Variants in RBFOX1 observed in about 807,000 individuals in gnomAD.
The protein encoded by RBFOX1 is RNA binding fox-1 homolog 1, also known as RNA binding protein fox-1 homolog 1.
Under a neutral mutation model 57.7 loss-of-function variants are expected in RBFOX1, and 8 were observed. That is an observed-to-expected ratio of 0.14 (90% confidence interval 0.08 to 0.25). The LOEUF is 0.25. RBFOX1 is among the 10% of genes least tolerant of loss of function. The pLI is 1.00. For missense variants in RBFOX1, 611 were observed against 548.5 expected (o/e 1.11, Z -1.14); for synonymous variants, 326 against 222.4 (o/e 1.47, Z -4.15).
intron 3 of RBFOX1, among the ~76,000 whole-genome samples, chr16:6,929,664 G>C (rs989107543): frequency 6.6e-6 from 1 of 152,074 alleles, no homozygotes; most frequent in African/African-American, 2.4e-5. Context: ...GTTATATCCA[G>C]CTTGCATAAC....
chr16:6,942,235 C>G (rs978502952), intron 3 of RBFOX1, among the ~76,000 whole-genome samples: 1 of 152,078 alleles, frequency 6.6e-6, no homozygotes, highest in African/African-American at 2.4e-5. Flanking sequence ...AACCAGGATC[C>G]CACCACTGCA....
intron 4 of RBFOX1, among the ~76,000 whole-genome samples, chr16:7,361,932 GTGTA>G (rs1471862534): frequency 1.3e-5 from 2 of 151,750 alleles, no homozygotes; most frequent in Admixed American, 6.6e-5. Flanking sequence ...GTGTGTTAGT[GTGTA>G]TGTGTGTGCA....
chr16:7,498,448 G>GT (rs35340425), intron 4 of RBFOX1, among the ~76,000 whole-genome samples: 85,905 of 150,766 alleles, frequency 0.57, 26,142 homozygotes, highest in Middle Eastern at 0.72. Flanking sequence ...TATGTAGTGG[G>GT]TTTTTTTTTA....
intron 1 of RBFOX1, among the ~76,000 whole-genome samples, chr16:6,178,327 C>G (rs1385177368): frequency 1.3e-5 from 2 of 151,776 alleles, no homozygotes; most frequent in Non-Finnish European, 1.5e-5. Flanking sequence ...GCTGGGATTA[C>G]AGGCACGCGC....
At chr16:7,227,479 G>T (rs2093212751) in intron 4 of RBFOX1, among the ~76,000 whole-genome samples, 1 of 152,110 alleles carries the variant, frequency 6.6e-6, no homozygotes, top group Admixed American at 6.5e-5. Context: ...TTTATTCAGG[G>T]TTATTTATCT....
chr16:7,629,128 T>C (rs902950472), intron 10 of RBFOX1, among the ~76,000 whole-genome samples: 3 of 152,146 alleles, frequency 2.0e-5, no homozygotes, highest in African/African-American at 7.2e-5. Context: ...CCATGGGACA[T>C]TCCTTCAGGT....
intron 4 of RBFOX1, among the ~76,000 whole-genome samples, chr16:7,435,776 C>G (rs1346104746): frequency 1.3e-5 from 2 of 152,174 alleles, no homozygotes; most frequent in African/African-American, 4.8e-5. Context: ...TCCAGGCAAA[C>G]ATCACAGCCA....
At chr16:7,585,275 C>G (rs1010263671) in intron 6 of RBFOX1, among the ~76,000 whole-genome samples, 3 of 152,160 alleles carry the variant, frequency 2.0e-5, no homozygotes, top group Non-Finnish European at 2.9e-5. Flanking sequence ...TTTCCCCAAT[C>G]TGAATGTTTT....
chr16:7,486,589 G>C (rs13334360), intron 4 of RBFOX1, among the ~76,000 whole-genome samples: 1 of 151,988 alleles, frequency 6.6e-6, no homozygotes, highest in Admixed American at 6.6e-5. Context: ...AGGGGAAGGC[G>C]AGCAAAGCAC....
chr16:5,949,587 T>C (rs937762265), intron 4 of RBFOX1, among the ~76,000 whole-genome samples: 1 of 151,878 alleles, frequency 6.6e-6, no homozygotes. Flanking sequence ...ACATTGCATT[T>C]GGTTACAATG....
chr16:6,602,959 G>C (rs1691210047), intron 2 of RBFOX1, among the ~76,000 whole-genome samples: 1 of 152,150 alleles, frequency 6.6e-6, no homozygotes, highest in African/African-American at 2.4e-5. Context: ...ACTTGAGCCG[G>C]TGCTGTTATT....
intron 1 of RBFOX1, among the ~76,000 whole-genome samples, chr16:6,236,379 TAGCAGAGTA>T (rs906803547): frequency 6.6e-6 from 1 of 152,090 alleles, no homozygotes; most frequent in African/African-American, 2.4e-5. Flanking sequence ...TCCAAGAGCT[TAGCAGAGTA>T]CCTGAAATAC....
intron 1 of RBFOX1, among the ~76,000 whole-genome samples, chr16:6,093,921 G>T (rs750300925): frequency 2.0e-5 from 3 of 152,058 alleles, no homozygotes; most frequent in Middle Eastern, 3.2e-3. Flanking sequence ...TGCCCTGCCT[G>T]TATATTGTTT....
At chr16:6,916,035 AG>A (rs1239513547) in intron 3 of RBFOX1, among the ~76,000 whole-genome samples, 1 of 152,074 alleles carries the variant, frequency 6.6e-6, no homozygotes, top group Non-Finnish European at 1.5e-5. Context: ...CTTGACTGGC[AG>A]GAAGACAGAG....
intron 1 of RBFOX1, among the ~76,000 whole-genome samples, chr16:5,441,191 A>G (rs2068073308): frequency 6.6e-6 from 1 of 151,822 alleles, no homozygotes; most frequent in Non-Finnish European, 1.5e-5. Flanking sequence ...TCAGTGTCAT[A>G]TTTTTCAGGT....
chr16:6,385,479 C>A (rs944971993), intron 2 of RBFOX1, among the ~76,000 whole-genome samples: 6 of 152,240 alleles, frequency 3.9e-5, no homozygotes, highest in Admixed American at 6.5e-5. Flanking sequence ...CCTGCCTCTG[C>A]CTCCCCAGTA....
At chr16:7,601,190 C>T (rs8045980) in intron 9 of RBFOX1, among the ~76,000 whole-genome samples, 20 of 152,094 alleles carry the variant, frequency 1.3e-4, no homozygotes, top group African/African-American at 4.8e-4. Flanking sequence ...CTTTGTTGCC[C>T]GGATCAGTTC....
At chr16:5,595,683 A>C (rs1461067896) in intron 2 of RBFOX1, among the ~76,000 whole-genome samples, 1 of 152,226 alleles carries the variant, frequency 6.6e-6, no homozygotes, top group East Asian at 1.9e-4. Context: ...AGTATCAGAC[A>C]GCCACTACCT....
chr16:6,363,312 G>A (rs1049591787), intron 2 of RBFOX1, among the ~76,000 whole-genome samples: 1 of 152,088 alleles, frequency 6.6e-6, no homozygotes, highest in East Asian at 1.9e-4. Context: ...ATGGTTTAAT[G>A]GCATAAACGA....
Sources: allele counts gnomAD v4.1 joint callset (sites outside exome capture counted in the v4.1 genomes callset), GRCh38; gene constraint gnomAD v4.1.1; transcripts MANE v1.5; gene names NCBI Gene and HGNC (gene_info 2026-07-23, HGNC 2026-07-21).